Variants in SPTBN4 observed in about 807,000 individuals in gnomAD.
SPTBN4 encodes spectrin beta, non-erythrocytic 4, also known as spectrin beta chain, non-erythrocytic 4.
Under a neutral mutation model 277.8 loss-of-function variants are expected in SPTBN4, and 96 were observed. The observed-to-expected ratio is 0.35, with a 90% CI of 0.29 to 0.41. SPTBN4 has a LOEUF of 0.41. Ranked by LOEUF, SPTBN4 falls within the 10% of genes least tolerant of loss-of-function variation. The pLI is 1.00. For missense variants in SPTBN4, 3,006 were observed against 3,595.7 expected, an observed-to-expected ratio of 0.84 and a Z score of 4.19; for synonymous variants, 1,481 against 1,580.3, an observed-to-expected ratio of 0.94 and a Z score of 1.49.
At chr19:40,562,279 CA>C (rs1341989864) in intron 27 of SPTBN4, among the ~76,000 whole-genome samples, 2 of 152,222 alleles carry the variant, frequency 1.3e-5, no homozygotes, top group Non-Finnish European at 2.9e-5. Context: ...CCTGTCATCC[CA>C]GCACTTTGGG....
At chr19:40,540,851 T>C (rs1038224210) in intron 20 of SPTBN4, among the ~76,000 whole-genome samples, 1 of 147,508 alleles carries the variant, frequency 6.8e-6, no homozygotes, top group Non-Finnish European at 1.5e-5. Context: ...GAAAAGTAAT[T>C]TGGAGGTGGT....
At chr19:40,525,483 G>A (rs887319915) in intron 17 of SPTBN4, among the ~76,000 whole-genome samples, 2 of 151,980 alleles carry the variant, frequency 1.3e-5, no homozygotes, top group African/African-American at 4.8e-5. Context: ...CACTGAGCAT[G>A]GCCTGTTCCA....
chr19:40,533,150 G>A (rs2080697399), intron 19 of SPTBN4, among the ~76,000 whole-genome samples: 1 of 152,142 alleles, frequency 6.6e-6, no homozygotes. Context: ...GTAAACTTTG[G>A]ATTCTTAGAG....
chr19:40,506,147 G>C, intron 12 of SPTBN4, 89 bp from the exon 13 acceptor site: 1 of 1,502,146 alleles, frequency 6.7e-7, no homozygotes, highest in Non-Finnish European at 9.0e-7. Context: ...TGATGGTGCA[G>C]AGTAGCAGGG....
Position 40,532,762 on chromosome 19 carries a change from G to T in SPTBN4, c.4086G>T (p.Lys1362Asn), listed in dbSNP as rs1252258502. The T allele has an allele frequency of 1.2e-6, 2 of 1,611,226 alleles. No homozygotes were observed. Among genetic ancestry groups the T allele is most frequent in the South Asian group, 1.1e-5 (1 of 90,722 alleles). ...ELAQNKEWLE[K>N]IEREGQQLMQ... Reference sequence around the variant, plus strand: ...CTCAGAATAAGGAGTGGCTGGAGAAGATCGAGCGGGTGAGGAAGCTGATGG... The same window carrying T: ...CTCAGAATAAGGAGTGGCTGGAGAATATCGAGCGGGTGAGGAAGCTGATGG... Residue 1362 changes from lysine to asparagine, a missense_variant, in exon 19 of 36, where the codon AAG (lysine) becomes AAT (asparagine). This residue lies in a region of SPTBN4 where 1,759 missense variants were observed against 2,061.5 expected (regional missense o/e 0.85). Coordinates refer to ENST00000598249, the MANE Select transcript of SPTBN4 (RefSeq NM_020971.3).
Position 40,549,342 on chromosome 19 carries a change from C to G in SPTBN4, c.4513C>G (p.Gln1505Glu). 6.5e-7 allele frequency: 1 copy of G among 1,536,308 alleles called. No homozygotes were observed. The highest frequency in any genetic ancestry group is 8.7e-7 in the Non-Finnish European group (1 of 1,145,304). ...CCTGGTGCGCCTGCTCGAGCCGTTG[C>G]AGGAGCGCCGCCGCTTGCTGCTGGC... ...ERLVRLLEPL[Q>E]ERRRLLLASK... Residue 1505 changes from glutamine to glutamate, a missense_variant, in exon 21 of 36, where the codon CAG becomes GAG. Transcript: ENST00000598249.
At chr19:40,481,181 A>G (rs867317672) in intron 2 of SPTBN4, among the ~76,000 whole-genome samples, 20 of 152,306 alleles carry the variant, frequency 1.3e-4, no homozygotes, top group African/African-American at 4.6e-4. Flanking sequence ...AAGCTGTCCA[A>G]TCATAGAGTA....
chr19:40,501,993 A>G lies in SPTBN4; in HGVS notation c.857A>G (p.Lys286Arg). The change falls in exon 8 of 36, where the codon AAG becomes AGG. Residue 286 changes from lysine to arginine, a missense_variant. By Grantham distance (26) the Lys-to-Arg change is conservative. Coordinates refer to ENST00000598249, the MANE Select transcript of SPTBN4 (RefSeq NM_020971.3). ...YVVSFYHYFS[K>R]MKALAVEGKR... ...GTCTCTTTCTACCACTATTTCTCCA[A>G]GATGAAGGCTCTGGCTGTGGAGGGG... is the stretch of plus-strand genomic sequence containing the variant. 1 of 1,614,202 alleles carries G rather than the reference A, an allele frequency of 6.2e-7. No homozygotes were observed. Among genetic ancestry groups the G allele is most frequent in the Non-Finnish European group, 8.5e-7 (1 of 1,180,034 alleles).
chr19:40,552,157 A>C (rs1044525359), intron 22 of SPTBN4, among the ~76,000 whole-genome samples: 3 of 151,914 alleles, frequency 2.0e-5, no homozygotes, highest in African/African-American at 7.3e-5. Flanking sequence ...GTCTCTACTA[A>C]AAATGCAAAA....
In SPTBN4 at chr19:40,523,810, AT is replaced by A. The variant is rs112767272; in HGVS notation, c.3857+182del. 7.2e-3 allele frequency among the ~76,000 whole-genome samples: 1,067 copies of A among 147,302 alleles called. 9 individuals are homozygous for A. The highest frequency in any genetic ancestry group is 0.017 in the African/African-American group (688 of 40,318). On this transcript the variant is annotated intron_variant, in intron 17 of 35. Coordinates refer to ENST00000598249, the MANE Select transcript of SPTBN4 (RefSeq NM_020971.3). ...GTTGTCTTAGATTTGATTTAAGTGG[AT>A]TTTTTTTTTTGAGACGGGGTCTCAC...
intron 2 of SPTBN4, among the ~76,000 whole-genome samples, chr19:40,483,638 GTGA>G (rs755644213): frequency 8.5e-5 from 13 of 152,142 alleles, no homozygotes; most frequent in Non-Finnish European, 1.8e-4. Flanking sequence ...GGGACCCTAT[GTGA>G]ATACTGATCA....
At chr19:40,544,464 T>TTTC (rs2080837310) in intron 20 of SPTBN4, among the ~76,000 whole-genome samples, 1 of 142,984 alleles carries the variant, frequency 7.0e-6, no homozygotes, top group Non-Finnish European at 1.5e-5. Flanking sequence ...TTTTTTTTTT[T>TTTC]GAGATGGAGT....
intron 16 of SPTBN4, among the ~76,000 whole-genome samples, chr19:40,522,937 G>A: frequency 6.6e-6 from 1 of 151,950 alleles, no homozygotes; most frequent in East Asian, 2.0e-4. Context: ...TTTGAGACCA[G>A]CCTGGCCAAC....
chr19:40,569,190 T>C (rs991240885), intron 31 of SPTBN4, among the ~76,000 whole-genome samples: 1 of 151,474 alleles, frequency 6.6e-6, no homozygotes. Flanking sequence ...CTTTGGGAGG[T>C]TGAGGCGGGC....
chr19:40,534,417 G>A, intron 20 of SPTBN4, 74 bp downstream of exon 20: 1 of 1,536,090 alleles, frequency 6.5e-7, no homozygotes, highest in Admixed American at 2.0e-5. Context: ...CCCCACTCAA[G>A]GTATGTCAAG....
chr19:40,502,879 C>T lies in SPTBN4; in HGVS notation c.1308C>T (p.His436=). The part of the protein sequence containing the change: ...KLELLAQRFD[H]KVAMRESWLN... ...AACTACTGGCACAGAGGTTTGACCA[C>T]AAGGTGGCTATGAGGGAGAGCTGGC... is the stretch of plus-strand genomic sequence containing the variant. The change falls in exon 11 of 36, where the codon CAC becomes CAT. Residue 436 remains histidine, a synonymous_variant. Transcript: ENST00000598249. The surrounding 1 kb of genome is among the most constrained non-coding windows in gnomAD (Gnocchi z 4.9). The T allele has an allele frequency of 6.2e-7, 1 of 1,613,866 alleles. No individual in the cohort carries two copies. The highest frequency in any genetic ancestry group is 1.1e-5 in the South Asian group (1 of 91,090).
chr19:40,488,271 C>T (rs1310335225), intron 3 of SPTBN4, among the ~76,000 whole-genome samples: 1 of 151,402 alleles, frequency 6.6e-6, no homozygotes, highest in Non-Finnish European at 1.5e-5. Flanking sequence ...GATGAAGGTG[C>T]GGGGCTCTAG....
chr19:40,487,043 T>TC (rs1365613152), intron 2 of SPTBN4, among the ~76,000 whole-genome samples: 2 of 137,460 alleles, frequency 1.5e-5, no homozygotes, highest in East Asian at 4.0e-4. Flanking sequence ...CTGGACTCTC[T>TC]TTTTTTTTTT....
chr19:40,551,389 T>C (rs2080916123), intron 22 of SPTBN4, among the ~76,000 whole-genome samples: 1 of 118,122 alleles, frequency 8.5e-6, no homozygotes, highest in South Asian at 2.4e-4. Flanking sequence ...ACCCTATCTC[T>C]CTCTCTCTCT....
Sources: allele counts gnomAD v4.1 joint callset (sites outside exome capture counted in the v4.1 genomes callset), GRCh38; gene constraint gnomAD v4.1.1; regional missense constraint gnomAD v4.1.1; non-coding constraint Gnocchi (gnomAD v3.1); transcripts MANE v1.5; gene names NCBI Gene and HGNC (gene_info 2026-07-23, HGNC 2026-07-21).